PARD3B: variants seen among roughly 807,000 people sequenced by gnomAD.
PARD3B encodes partitioning defective 3 homolog B.
Under a neutral mutation model 130.2 loss-of-function variants are expected in PARD3B, and 103 were observed. The ratio of observed to expected loss-of-function variants is 0.79; its 90% CI spans 0.67 to 0.93. The LOEUF is 0.93. PARD3B is among the 40% of genes least tolerant of loss of function. The pLI, the probability that PARD3B is intolerant of heterozygous loss-of-function variation, is 0.00. For missense variants in PARD3B, 1,609 were observed against 1,499.2 expected (o/e 1.07, Z -1.21); for synonymous variants, 583 against 553.2 (o/e 1.05, Z -0.76).
chr2:204,732,206 A>G (rs535128412), intron 2 of PARD3B, among the ~76,000 whole-genome samples: 30 of 152,258 alleles, frequency 2.0e-4, no homozygotes, highest in African/African-American at 6.3e-4. Context: ...CAGTTGTACA[A>G]AGAAGAAAGA....
At chr2:205,223,019 T>C (rs1415245291) in intron 15 of PARD3B, among the ~76,000 whole-genome samples, 1 of 152,096 alleles carries the variant, frequency 6.6e-6, no homozygotes, top group African/African-American at 2.4e-5. Context: ...TTGGAGGAAA[T>C]GCTAAAGTGT....
intron 1 of PARD3B, among the ~76,000 whole-genome samples, chr2:204,649,961 A>C (rs1050151627): frequency 6.6e-6 from 1 of 152,192 alleles, no homozygotes; most frequent in Non-Finnish European, 1.5e-5. Flanking sequence ...AGAAACTATC[A>C]ACAGAGTAAA....
intron 22 of PARD3B, among the ~76,000 whole-genome samples, chr2:205,602,686 T>C (rs1177965108): frequency 1.3e-5 from 2 of 152,208 alleles, no homozygotes; most frequent in African/African-American, 4.8e-5. Context: ...TGATGGTTGT[T>C]TGTATTTCTG....
intron 20 of PARD3B, among the ~76,000 whole-genome samples, chr2:205,496,102 A>G (rs1181458059): frequency 3.3e-5 from 5 of 152,190 alleles, no homozygotes; most frequent in African/African-American, 1.2e-4. Flanking sequence ...TATTTGCTAT[A>G]TAAGTGTTCA....
At chr2:205,208,274 C>T (rs1218736940) in intron 15 of PARD3B, among the ~76,000 whole-genome samples, 4 of 113,578 alleles carry the variant, frequency 3.5e-5, no homozygotes, top group Non-Finnish European at 7.0e-5. Flanking sequence ...ACTGAATGGG[C>T]AAAAACTGGA....
intron 1 of PARD3B, among the ~76,000 whole-genome samples, chr2:204,644,089 C>G (rs373949846): frequency 2.0e-4 from 30 of 152,292 alleles, no homozygotes; most frequent in African/African-American, 7.0e-4. Context: ...TTTCTCCACT[C>G]CATTGGTAAC....
At chr2:205,569,426 A>G (rs1052678024) in intron 22 of PARD3B, among the ~76,000 whole-genome samples, 2 of 152,154 alleles carry the variant, frequency 1.3e-5, no homozygotes, top group African/African-American at 4.8e-5. Context: ...TCTCATTATG[A>G]AATATCCATA....
chr2:205,006,450 A>C (rs1015644029), intron 3 of PARD3B, among the ~76,000 whole-genome samples: 1 of 152,234 alleles, frequency 6.6e-6, no homozygotes, highest in South Asian at 2.1e-4. Context: ...TCCCCTTTTC[A>C]CTATATCCAC....
intron 4 of PARD3B, among the ~76,000 whole-genome samples, chr2:205,096,258 A>G (rs749286371): frequency 3.3e-5 from 5 of 152,128 alleles, no homozygotes; most frequent in African/African-American, 4.8e-5. Flanking sequence ...TATCCCCAAT[A>G]TAAAGAAAAT....
chr2:205,226,540 G>A (rs1574445422), intron 15 of PARD3B, among the ~76,000 whole-genome samples: 1 of 152,030 alleles, frequency 6.6e-6, no homozygotes, highest in African/African-American at 2.4e-5. Context: ...TTTTTATATG[G>A]TGAGAGATAA....
intron 16 of PARD3B, among the ~76,000 whole-genome samples, chr2:205,286,362 C>T (rs2041396502): frequency 6.6e-6 from 1 of 152,096 alleles, no homozygotes. Flanking sequence ...TTTTTATCAT[C>T]ATCATTATCA....
rs1287076325 is a variant in PARD3B at position 205,616,355 on chromosome 2, A to G, written c.*542A>G. On this transcript the variant is annotated 3_prime_UTR_variant, in exon 23 of 23. Transcript: ENST00000406610. ...AGGTTTTTTGACTAAGAAAAAAAAC[A>G]ACAGCAAACATGACTAGTGATCTTG... is the stretch of plus-strand genomic sequence containing the variant. 1.3e-5 allele frequency: 2 copies of G among 152,520 alleles called. No individual in the cohort carries two copies. The highest frequency in any genetic ancestry group is 2.4e-5 in the African/African-American group (1 of 41,448). 9.4% of individuals were successfully genotyped at this position (152,520 alleles called of 1,614,324 possible). A position where few individuals can be genotyped will look rare whatever the true frequency, so the allele number is the denominator to read the frequency against.
intron 19 of PARD3B, among the ~76,000 whole-genome samples, chr2:205,437,441 C>T (rs991200001): frequency 1.3e-5 from 2 of 152,108 alleles, no homozygotes; most frequent in African/African-American, 2.4e-5. Flanking sequence ...TAATCTAGGC[C>T]AGTACAGTCC....
At chr2:205,259,185 A>T (rs1206763001) in intron 16 of PARD3B, among the ~76,000 whole-genome samples, 1 of 152,104 alleles carries the variant, frequency 6.6e-6, no homozygotes, top group African/African-American at 2.4e-5. Flanking sequence ...TTCTCCAAGT[A>T]TTTACCAATT....
chr2:205,284,026 C>T (rs1574593282), intron 16 of PARD3B, among the ~76,000 whole-genome samples: 1 of 152,300 alleles, frequency 6.6e-6, no homozygotes, highest in East Asian at 1.9e-4. Context: ...AAGGTTATGT[C>T]AGAGGTTAAA....
In PARD3B at chr2:205,117,918, C is replaced by CACACACACACACACACACACAT. The variant is rs1553617421; in HGVS notation, c.681-984_681-983insCATACACACACACACACACACA. Among the ~76,000 whole-genome samples, 984 of 150,978 alleles carry CACACACACACACACACACACAT rather than the reference C, an allele frequency of 6.5e-3. 11 individuals carry two copies. The highest frequency in any genetic ancestry group is 0.022 in the African/African-American group (915 of 41,172). On this transcript the variant is annotated intron_variant, in intron 6 of 22. Coordinates refer to ENST00000406610, the MANE Select transcript of PARD3B (RefSeq NM_001302769.2). ...ACAGAATTGTGTATGTATGTGTGTA[C>CACACACACACACACACACACAT]ACACACACACACACACACATACACA...
chr2:205,339,482 A>G (rs900591168), intron 18 of PARD3B, among the ~76,000 whole-genome samples: 1 of 152,296 alleles, frequency 6.6e-6, no homozygotes, highest in Middle Eastern at 3.4e-3. Flanking sequence ...ATTGGTAGAA[A>G]TTATCTGAGA....
intron 2 of PARD3B, among the ~76,000 whole-genome samples, chr2:204,735,492 T>A (rs1185702949): frequency 6.6e-6 from 1 of 152,150 alleles, no homozygotes; most frequent in Non-Finnish European, 1.5e-5. Flanking sequence ...TAGAACATTC[T>A]ACAAGGCAAT....
chr2:205,009,443 G>A (rs1183190759), intron 3 of PARD3B, among the ~76,000 whole-genome samples: 2 of 151,436 alleles, frequency 1.3e-5, no homozygotes, highest in Non-Finnish European at 2.9e-5. Context: ...AGGCAGAGGC[G>A]GGTGGATCAC....
Sources: allele counts gnomAD v4.1 joint callset (sites outside exome capture counted in the v4.1 genomes callset), GRCh38; gene constraint gnomAD v4.1.1; transcripts MANE v1.5; gene names NCBI Gene and HGNC (gene_info 2026-07-23, HGNC 2026-07-21).